The following CEP72 variants were observed in gnomAD, a reference collection of about 807,000 sequenced individuals.
The protein encoded by CEP72 is centrosomal protein of 72 kDa.
CEP72 carries 78 observed loss-of-function variants against 65.7 expected under a neutral mutation model. That is an observed-to-expected ratio of 1.19 (90% CI 0.99 to 1.43). The LOEUF is 1.43. Among genes scored for constraint, CEP72 ranks in the 40% most tolerant of loss-of-function variants. CEP72 has a pLI of 0.00. For synonymous variants in CEP72, 358 were observed against 351.7 expected (o/e 1.02, Z -0.20); for missense variants, 914 against 832.9 (o/e 1.10, Z -1.20).
chr5:635,380 C>T lies in CEP72; in HGVS notation c.700C>T (p.His234Tyr). The change falls in exon 6 of 12, where the codon CAT (histidine) becomes TAT (tyrosine). Residue 234 changes from histidine to tyrosine, a missense_variant. Coordinates refer to ENST00000264935, the MANE Select transcript of CEP72 (RefSeq NM_018140.4). ...ADSRGSQESR[H>Y]LLSPQLVQYQ... ...TTACAATATTTTAATAGAATCCAGACATCTGTTGAGCCCGCAGTTGGTACA... is the reference window on the plus strand; with the variant it reads ...TTACAATATTTTAATAGAATCCAGATATCTGTTGAGCCCGCAGTTGGTACA... 1.9e-6 allele frequency: 3 copies of T among 1,605,116 alleles called. No homozygotes were observed. Among genetic ancestry groups the T allele is most frequent in the South Asian group, 1.1e-5 (1 of 90,644 alleles).
At chr5:636,098 G>C (rs144571208) in intron 6 of CEP72, among the ~76,000 whole-genome samples, 103 of 152,352 alleles carry the variant, frequency 6.8e-4, no homozygotes, top group African/African-American at 2.5e-3. Flanking sequence ...AACTTTGGGG[G>C]GTTCCTTCGA....
chr5:627,583 A>G (rs1440785931), intron 4 of CEP72, among the ~76,000 whole-genome samples: 2 of 151,956 alleles, frequency 1.3e-5, no homozygotes, highest in Non-Finnish European at 2.9e-5. Context: ...TCATTCTGAT[A>G]CCTTTTCTTA....
chr5:628,344 G>T (rs1736889813), intron 4 of CEP72, among the ~76,000 whole-genome samples: 2 of 152,012 alleles, frequency 1.3e-5, no homozygotes, highest in Admixed American at 6.6e-5. Context: ...TATGCTCAGT[G>T]TCAGGCTTCA....
rs763221533 is a variant in CEP72 at position 644,311 on chromosome 5, CA to C, written c.1554del (p.Gln518HisfsTer3). The C allele has an allele frequency of 3.7e-6, 6 of 1,613,508 alleles. No homozygotes were observed. In the South Asian group the frequency reaches 6.6e-5, roughly 18 times the overall value. ...HTHKELDDLR[Q>X]HLDKSLEENS... Reference sequence around the variant, plus strand: ...TCTGTGTCCGCAGGATGATTTGAGACAACATTTAGATAAATCTTTGGAAGAG... The same window carrying C: ...TCTGTGTCCGCAGGATGATTTGAGACACATTTAGATAAATCTTTGGAAGAG... On this transcript the variant is annotated frameshift_variant, in exon 10 of 12. Coordinates refer to ENST00000264935, the MANE Select transcript of CEP72 (RefSeq NM_018140.4). LOFTEE classifies it high-confidence loss of function.
Position 633,807 on chromosome 5 carries a change from C to T in CEP72, c.551C>T (p.Ala184Val). 1 of 1,614,100 alleles carries T rather than the reference C, an allele frequency of 6.2e-7. No homozygotes were observed. Among genetic ancestry groups the T allele is most frequent in the Non-Finnish European group, 8.5e-7 (1 of 1,180,044 alleles). Residue 184 changes from alanine to valine, a missense_variant, in exon 5 of 12, where the codon GCC becomes GTC. By Grantham distance (64) the Ala-to-Val change is moderately conservative. Transcript: ENST00000264935. ...HPRAKCTEALAKQSLVMDADD... is the reference protein window; with the variant it reads ...HPRAKCTEALVKQSLVMDADD... ...AGAGCCAAGTGCACCGAGGCCTTGG[C>T]CAAGCAGAGCCTGGTCATGGATGCG...
Position 637,590 on chromosome 5 carries a change from G to A in CEP72, c.978G>A (p.Leu326=). The A allele has an allele frequency of 1.2e-6, 2 of 1,614,074 alleles. No homozygotes were observed. Among genetic ancestry groups the A allele is most frequent in the Admixed American group, 3.3e-5 (2 of 60,028 alleles). ...CAGGAGAAATGGTGCCTGGTCCCCT[G>A]CCAGCCCCCGGAAAGTGCAGGAAGC... The part of the protein sequence containing the change: ...DLSGEMVPGP[L]PAPGKCRKRR... Residue 326 remains leucine, a synonymous_variant, in exon 7 of 12, where the codon CTG becomes CTA. Transcript: ENST00000264935.
At chr5:665,188 G>A (rs919720194) in exon 3 of CEP72, 8 of 1,613,802 alleles carry the variant, frequency 5.0e-6, no homozygotes, top group South Asian at 1.1e-5. Context: ...AGATCCACGC[G>A]GCCAGCCTTG....
rs112227018 is a variant in CEP72, at chr5:620,241, T to G, written c.383T>G (p.Leu128Arg). Residue 128 changes from leucine to arginine, a missense_variant, in exon 3 of 12, where the codon CTC becomes CGC. By Grantham distance (102) the Leu-to-Arg change is moderately radical. Transcript: ENST00000264935. ...TACCGCCTTTTTGTTGTGCACCTGC[T>G]CCCCAAGCTCCAGCAGCTGGGTAGG... ...PDYRLFVVHL[L>R]PKLQQLDDRP... 5 of 1,613,624 alleles carry G rather than the reference T, an allele frequency of 3.1e-6. No individual in the cohort carries two copies. In the Admixed American group the frequency reaches 6.7e-5, roughly 22 times the overall value.
Position 624,755 on chromosome 5 carries a change from C to A in CEP72, c.512+176C>A, listed in dbSNP as rs1237034540. 6.6e-6 allele frequency among the ~76,000 whole-genome samples: 1 copy of A among 152,196 alleles called. No homozygotes were observed. The highest frequency in any genetic ancestry group is 1.5e-5 in the Non-Finnish European group (1 of 68,032). The stretch of plus-strand genomic sequence containing the variant: ...GTGGACAGTGGGACGGGGCCTCTCT[C>A]CTGTTCTCCACATTCCTAGGAGTTA... On this transcript the variant is annotated intron_variant, in intron 4 of 11. Transcript: ENST00000264935. The surrounding 1 kb of genome is among the most constrained non-coding windows in gnomAD (Gnocchi z 4.7).
chr5:657,651 C>T (rs984766048), downstream of CEP72, among the ~76,000 whole-genome samples: 11 of 152,310 alleles, frequency 7.2e-5, no homozygotes, highest in East Asian at 1.9e-4. Context: ...CCTGCCTTTA[C>T]GCTGCATATC....
intron 9 of CEP72, chr5:642,189 C>T (rs1163842969): frequency 7.8e-6 from 6 of 773,642 alleles, no homozygotes; most frequent in African/African-American, 4.8e-5. Flanking sequence ...TTTAAACACA[C>T]GTGGTCCCCC....
At chr5:646,282 A>G (rs1738418780) in intron 10 of CEP72, among the ~76,000 whole-genome samples, 1 of 152,112 alleles carries the variant, frequency 6.6e-6, no homozygotes, top group Admixed American at 6.5e-5. Flanking sequence ...CTCTTTTCTG[A>G]CATTTCTAAT....
At position 645,607 on chromosome 5, in the gene CEP72, A is replaced by G. The variant is rs1356789382; in HGVS notation, c.1666+1182A>G. 6.6e-6 allele frequency among the ~76,000 whole-genome samples: 1 copy of G among 152,062 alleles called. No individual in the cohort carries two copies. Among genetic ancestry groups the G allele is most frequent in the Non-Finnish European group, 1.5e-5 (1 of 68,026 alleles). On this transcript the variant is annotated intron_variant, in intron 10 of 11. Transcript: ENST00000264935. This position sits in a 1 kb window ranked among gnomAD's most constrained non-coding sequence, Gnocchi z 4.0. ...GGTGTTGCTGTGTCTGACCTGTCCC[A>G]TCTCGAGTGAGTGCAGGCACCAGCC...
chr5:669,166 C>CA (rs1183738017), downstream of CEP72, among the ~76,000 whole-genome samples: 1 of 152,190 alleles, frequency 6.6e-6, no homozygotes, highest in Non-Finnish European at 1.5e-5. Flanking sequence ...TTTGGGGAGA[C>CA]AGAGCCCCAG....
intron 9 of CEP72, chr5:643,639 G>A (rs1738212580): frequency 1.0e-6 from 1 of 985,396 alleles, no homozygotes; most frequent in Non-Finnish European, 1.2e-6. Flanking sequence ...CCCAGGATGT[G>A]CCTGCTGGTG....
rs375745884 is a variant in CEP72 at position 640,559 on chromosome 5, G to A, written c.1494G>A (p.Glu498=). ...AGCAGCAGCAGCAGCACGCCCGGGA[G>A]ATGAGCGAGGTGACGGCGGAGCTGC... is the stretch of plus-strand genomic sequence containing the variant. ...LAEQQQQHAR[E]MSEVTAELHH... is the part of the protein sequence containing the mutation. Residue 498 remains glutamate, a synonymous_variant, in exon 9 of 12, where the codon GAG becomes GAA. Transcript: ENST00000264935. 9.4e-5 allele frequency: 152 copies of A among 1,613,874 alleles called. No individual in the cohort carries two copies. Among genetic ancestry groups the A allele is most frequent in the Non-Finnish European group, 1.2e-4 (144 of 1,180,044 alleles).
chr5:653,296 A>C lies in CEP72; in HGVS notation c.*143A>C. On this transcript the variant is annotated 3_prime_UTR_variant, in exon 12 of 12. Coordinates refer to ENST00000264935, the MANE Select transcript of CEP72 (RefSeq NM_018140.4). Reference sequence around the variant, plus strand: ...TATTTAGGATTTTTGGAATGTATTCAGGACCTGTAGCTTGGTTTTCTAAAG... The same window carrying C: ...TATTTAGGATTTTTGGAATGTATTCCGGACCTGTAGCTTGGTTTTCTAAAG... The C allele has an allele frequency of 1.3e-6, 1 of 798,316 alleles. No homozygotes were observed. Among genetic ancestry groups the C allele is most frequent in the Non-Finnish European group, 1.8e-6 (1 of 543,408 alleles). 49.5% of individuals were successfully genotyped at this position (798,316 alleles called of 1,614,324 possible). A position where few individuals can be genotyped will look rare whatever the true frequency, so the allele number is the denominator to read the frequency against.
Position 642,575 on chromosome 5 carries a change from G to A in CEP72, c.1540-1724G>A, listed in dbSNP as rs540861185. The stretch of plus-strand genomic sequence containing the variant: ...TGTGCCGAGCACCAGTGCTGCCAGG[G>A]GTGAGAGTCACATGCAGCTGTGGCT... On this transcript the variant is annotated intron_variant, in intron 9 of 11. Coordinates refer to ENST00000264935, the MANE Select transcript of CEP72 (RefSeq NM_018140.4). The A allele has an allele frequency of 1.4e-5, 14 of 985,486 alleles. No homozygotes were observed. In the East Asian group the frequency reaches 1.0e-3, roughly 72 times the overall value. The allele number at this position is 985,486 out of a possible 1,614,324, so 61.0% of individuals were successfully genotyped here.
chr5:643,364 G>T, intron 9 of CEP72: 2 of 985,460 alleles, frequency 2.0e-6, no homozygotes, highest in Non-Finnish European at 2.4e-6. Flanking sequence ...CGCCACTGCA[G>T]CAGACACCTT....
Sources: gnomAD v4.1 joint callset for allele counts (sites outside exome capture counted in the v4.1 genomes callset) on GRCh38, gnomAD v4.1.1 for gene constraint, Gnocchi (gnomAD v3.1) non-coding constraint, MANE v1.5 for transcripts, NCBI Gene and HGNC (gene_info 2026-07-23, HGNC 2026-07-21) for gene names.